PAH: variants seen among roughly 807,000 people sequenced by gnomAD.
PAH encodes phenylalanine-4-hydroxylase.
Under a neutral mutation model 62.0 loss-of-function variants are expected in PAH, and 64 were observed. The ratio of observed to expected loss-of-function variants is 1.03; its 90% confidence interval spans 0.84 to 1.27. The LOEUF (loss-of-function observed/expected upper bound fraction) is 1.27. Ranked by LOEUF, PAH falls within the 50% of genes most tolerant of loss-of-function variation. PAH has a pLI of 0.00. For missense variants in PAH, 579 were observed against 542.8 expected, an observed-to-expected ratio of 1.07 and a Z score of -0.66; for synonymous variants, 195 against 196.2, an observed-to-expected ratio of 0.99 and a Z score of 0.05.
At chr12:102,868,027 C>T (rs1396556954) in intron 4 of PAH, among the ~76,000 whole-genome samples, 5 of 133,840 alleles carry the variant, frequency 3.7e-5, no homozygotes, top group South Asian at 2.3e-4. Flanking sequence ...TACATATATA[C>T]ATGTATATAC....
intron 4 of PAH, 99 bp downstream of exon 4, chr12:102,877,363 G>C: frequency 1.1e-6 from 1 of 913,722 alleles, no homozygotes; most frequent in South Asian, 1.3e-5. Context: ...TGTTGAACAA[G>C]TGAACAAGTA....
chr12:102,943,071 G>T (rs551143235), intron 1 of PAH, among the ~76,000 whole-genome samples: 12 of 152,082 alleles, frequency 7.9e-5, no homozygotes, highest in African/African-American at 2.9e-4. Flanking sequence ...AAATTGACAA[G>T]TGGGACTTAA....
intron 5 of PAH, among the ~76,000 whole-genome samples, chr12:102,855,736 A>G (rs1308505259): frequency 6.6e-6 from 1 of 152,142 alleles, no homozygotes; most frequent in African/African-American, 2.4e-5. Flanking sequence ...AGGAGAATAT[A>G]TTCCCTTTCT....
At chr12:102,887,645 G>A (rs988781438) in intron 3 of PAH, among the ~76,000 whole-genome samples, 2 of 152,124 alleles carry the variant, frequency 1.3e-5, no homozygotes, top group African/African-American at 4.8e-5. Context: ...GATCTTTCAA[G>A]CACCCTTATG....
Position 102,844,520 on chromosome 12 carries a change from A to G in PAH, c.970-89T>C, listed in dbSNP as rs557465623. 169 of 864,234 alleles carry G rather than the reference A, an allele frequency of 2.0e-4. 3 individuals are homozygous for G. In the South Asian group the frequency reaches 2.3e-3, roughly 12 times the overall value. The allele number at this position is 864,234 out of a possible 1,614,324, so 53.5% of individuals were successfully genotyped here. ...TGGATGAAGGGATACCTGAATAGAT[A>G]GTAAAGCATTATTTTGGGGTGTGTC... On this transcript the variant is annotated intron_variant, in intron 9 of 12. Coordinates refer to ENST00000553106, the MANE Select transcript of PAH (RefSeq NM_000277.3).
chr12:102,841,793 C>G (rs977589729), intron 11 of PAH, among the ~76,000 whole-genome samples: 6 of 152,158 alleles, frequency 3.9e-5, no homozygotes, highest in African/African-American at 1.4e-4. Context: ...GTGATTTACC[C>G]CTACCCTACT....
At chr12:102,851,546 C>T in intron 8 of PAH, 141 bp downstream of exon 8, 1 of 720,912 alleles carries the variant, frequency 1.4e-6, no homozygotes, top group East Asian at 2.7e-5. Flanking sequence ...CAGAACCACA[C>T]ACCCATTTCA....
chr12:102,899,887 A>AAAAT (rs1877678363), intron 2 of PAH, among the ~76,000 whole-genome samples: 1 of 140,544 alleles, frequency 7.1e-6, no homozygotes, highest in Non-Finnish European at 1.5e-5. Flanking sequence ...AAAAAAAAAA[A>AAAAT]GTGAGTAACA....
chr12:102,852,080 A>C (rs1451168603), intron 7 of PAH: 2 of 336,554 alleles, frequency 5.9e-6, no homozygotes, highest in East Asian at 6.8e-5. Flanking sequence ...GTGAGCTATG[A>C]GTCATGAACA....
At chr12:102,859,037 T>C (rs1340791772) in intron 5 of PAH, among the ~76,000 whole-genome samples, 1 of 152,090 alleles carries the variant, frequency 6.6e-6, no homozygotes, top group Non-Finnish European at 1.5e-5. Flanking sequence ...ATCCAGGAGC[T>C]GGTTTTTTTG....
At chr12:102,884,832 C>T (rs1876963547) in intron 3 of PAH, among the ~76,000 whole-genome samples, 1 of 152,166 alleles carries the variant, frequency 6.6e-6, no homozygotes, top group African/African-American at 2.4e-5. Context: ...TTCTTGAGCG[C>T]TTATTATGCA....
In PAH at chr12:102,940,903, A is replaced by G. The variant is rs183496166; in HGVS notation, c.-96+9686T>C. 1.6e-3 allele frequency among the ~76,000 whole-genome samples: 237 copies of G among 152,330 alleles called. 1 individual carries two copies. The highest frequency in any genetic ancestry group is 5.3e-3 in the African/African-American group (222 of 41,588). ...TCGAAGGTCAGTGTGGAAAAAATAT[A>G]TATTAAAGACAGCTACAGAGAAAGG... On this transcript the variant is annotated intron_variant, in intron 1 of 3. Transcript: ENST00000546844.
At chr12:102,840,113 C>T (rs969690364) in intron 12 of PAH, among the ~76,000 whole-genome samples, 16 of 151,652 alleles carry the variant, frequency 1.1e-4, no homozygotes, top group Admixed American at 7.2e-4. Flanking sequence ...GATGGAGAGG[C>T]GAGGGAGAAA....
intron 1 of PAH, among the ~76,000 whole-genome samples, chr12:102,955,977 C>T (rs1879898601): frequency 6.6e-6 from 1 of 152,188 alleles, no homozygotes; most frequent in South Asian, 2.1e-4. Context: ...AGGTGATTCA[C>T]TTCGGGAGCC....
upstream of PAH, chr12:102,953,797 C>T (rs1329377863): frequency 1.3e-5 from 2 of 152,170 alleles, no homozygotes; most frequent in Non-Finnish European, 2.9e-5. Context: ...TTTGTCCTTC[C>T]CACTCCCCCA....
At chr12:102,845,631 C>A (rs1874804373) in intron 9 of PAH, among the ~76,000 whole-genome samples, 1 of 151,950 alleles carries the variant, frequency 6.6e-6, no homozygotes, top group Non-Finnish European at 1.5e-5. Context: ...TGGAGACAGT[C>A]ACAGTTTTGG....
At chr12:102,941,309 T>C (rs565890690) in intron 1 of PAH, among the ~76,000 whole-genome samples, 1 of 152,256 alleles carries the variant, frequency 6.6e-6, no homozygotes, top group South Asian at 2.1e-4. Flanking sequence ...AACATTTCCA[T>C]ATTAAACTAG....
chr12:102,930,370 CT>C (rs199566459), intron 1 of PAH, among the ~76,000 whole-genome samples: 66 of 148,074 alleles, frequency 4.5e-4, no homozygotes, highest in East Asian at 7.8e-4. Context: ...ATATTTTCAT[CT>C]TTTTTTTTTT....
intron 4 of PAH, among the ~76,000 whole-genome samples, chr12:102,876,975 G>A (rs986439122): frequency 2.6e-5 from 4 of 151,930 alleles, no homozygotes; most frequent in Non-Finnish European, 2.9e-5. Context: ...CAAGACTCTC[G>A]GTATTCTCAT....
Sources: gnomAD v4.1 joint callset for allele counts (sites outside exome capture counted in the v4.1 genomes callset) on GRCh38, gnomAD v4.1.1 for gene constraint, MANE v1.5 for transcripts, NCBI Gene and HGNC (gene_info 2026-07-23, HGNC 2026-07-21) for gene names.